The following POU3F3 variants were observed in gnomAD, a reference collection of about 807,000 sequenced individuals.
The protein encoded by POU3F3 is POU class 3 homeobox 3, also known as POU domain, class 3, transcription factor 3.
In POU3F3, 1 loss-of-function variant was observed where a neutral mutation model predicts 8.6. That is an observed-to-expected ratio of 0.12 (90% CI 0.04 to 0.55). The LOEUF (loss-of-function observed/expected upper bound fraction) is 0.55. Among genes scored for constraint, POU3F3 ranks in the 20% least tolerant of loss-of-function variants. The pLI is 0.91. For synonymous variants in POU3F3, 418 were observed against 327.4 expected, an observed-to-expected ratio of 1.28 and a Z score of -2.99; for missense variants, 577 against 690.7, an observed-to-expected ratio of 0.84 and a Z score of 1.84.
At chr2:104,895,062 AGTGT>A in the POU3F3 span, among the ~76,000 whole-genome samples, 19,991 of 149,156 alleles carry the variant, frequency 0.13, 1,747 homozygotes, top group East Asian at 0.42. Context: ...TGCACAGGTG[AGTGT>A]GTGTGTGTGT....
At chr2:104,923,244 A>G in the POU3F3 span, among the ~76,000 whole-genome samples, 2 of 152,222 alleles carry the variant, frequency 1.3e-5, no homozygotes, top group Admixed American at 6.5e-5. Flanking sequence ...GGGAATTTAT[A>G]AAAGCTGGTA....
the POU3F3 span, among the ~76,000 whole-genome samples, chr2:104,880,221 C>T: frequency 6.6e-6 from 1 of 152,174 alleles, no homozygotes; most frequent in Non-Finnish European, 1.5e-5. Flanking sequence ...GATTTGGGAC[C>T]ACCTGTTCAC....
At chr2:104,896,968 A>G in the POU3F3 span, among the ~76,000 whole-genome samples, 1 of 152,146 alleles carries the variant, frequency 6.6e-6, no homozygotes, top group East Asian at 1.9e-4. Flanking sequence ...GCCCTTTTTC[A>G]GGGGCAGTCC....
chr2:104,861,639 T>G (rs1676656770), downstream of POU3F3, among the ~76,000 whole-genome samples: 1 of 152,194 alleles, frequency 6.6e-6, no homozygotes, highest in Non-Finnish European at 1.5e-5. Flanking sequence ...AGATGATCTA[T>G]AAAATGACTG....
chr2:104,917,416 G>T, the POU3F3 span, among the ~76,000 whole-genome samples: 1 of 152,158 alleles, frequency 6.6e-6, no homozygotes, highest in African/African-American at 2.4e-5. Context: ...CCACTATGTT[G>T]ACTTAGAATT....
rs1676616282 is a variant in POU3F3 at position 104,858,418 on chromosome 2, C to A, written c.*1405C>A. ...TTATTTTTCCCCAGATCTTGTATTA[C>A]GTGTTTTTTTCAGACGAGCACAAAT... On this transcript the variant is annotated 3_prime_UTR_variant, in exon 1 of 1. Coordinates refer to ENST00000361360, the MANE Select transcript of POU3F3 (RefSeq NM_006236.3). The A allele has an allele frequency of 6.6e-6, 1 of 151,960 alleles. No individual in the cohort carries two copies. Among genetic ancestry groups the A allele is most frequent in the African/African-American group, 2.4e-5 (1 of 41,330 alleles). The allele number at this position is 151,960 out of a possible 1,614,324, so 9.4% of individuals were successfully genotyped here. A position where few individuals can be genotyped will look rare whatever the true frequency, so the allele number is the denominator to read the frequency against.
At chr2:104,899,156 C>T in the POU3F3 span, among the ~76,000 whole-genome samples, 2 of 152,182 alleles carry the variant, frequency 1.3e-5, no homozygotes, top group Non-Finnish European at 2.9e-5. Context: ...GATGATTCCT[C>T]CCTGACACGG....
At chr2:104,868,205 T>C in the POU3F3 span, 1 of 454,266 alleles carries the variant, frequency 2.2e-6, no homozygotes, top group South Asian at 1.6e-5. Context: ...CGTCTAGGAG[T>C]TGGTGGGAGA....
the POU3F3 span, among the ~76,000 whole-genome samples, chr2:104,884,789 C>T: frequency 1.3e-5 from 2 of 152,218 alleles, no homozygotes; most frequent in East Asian, 1.9e-4. Flanking sequence ...GCAGGTTGGA[C>T]GTCTTAGTGA....
At chr2:104,903,236 A>C in the POU3F3 span, among the ~76,000 whole-genome samples, 1 of 152,220 alleles carries the variant, frequency 6.6e-6, no homozygotes, top group African/African-American at 2.4e-5. Context: ...TTATCCTATA[A>C]GACTTTAGAA....
At chr2:104,881,718 A>C in the POU3F3 span, among the ~76,000 whole-genome samples, 1 of 152,242 alleles carries the variant, frequency 6.6e-6, no homozygotes, top group Non-Finnish European at 1.5e-5. Flanking sequence ...TTAAAGTTTT[A>C]AACAATGGTG....
chr2:104,855,612 TGGCGGCGGCGGC>T lies in POU3F3; in HGVS notation c.111_122del (p.Gly40_Gly43del). 1 of 643,542 alleles carries T rather than the reference TGGCGGCGGCGGC, an allele frequency of 1.6e-6. No individual in the cohort carries two copies. 39.9% of individuals were successfully genotyped at this position (643,542 alleles called of 1,614,324 possible). ...CGGCAGGGGCTGGCGGCGGCGGGGG[TGGCGGCGGCGGC>T]GGCGGCGGGGGCGGCGCAGGGGGCG... On this transcript the variant is annotated inframe_deletion, in exon 1 of 1. Coordinates refer to ENST00000361360, the MANE Select transcript of POU3F3 (RefSeq NM_006236.3).
chr2:104,923,427 T>C, the POU3F3 span, among the ~76,000 whole-genome samples: 203 of 152,304 alleles, frequency 1.3e-3, no homozygotes, highest in African/African-American at 4.7e-3. Flanking sequence ...CAGAGTTGTT[T>C]TTTAATTGAA....
In POU3F3 at chr2:104,857,108, C is replaced by G. The variant is rs1350522074; in HGVS notation, c.*95C>G. The G allele has an allele frequency of 6.7e-5, 65 of 973,960 alleles. No homozygotes were observed. The highest frequency in any genetic ancestry group is 7.7e-5 in the Non-Finnish European group (63 of 821,764). The allele number at this position is 973,960 out of a possible 1,614,324, so 60.3% of individuals were successfully genotyped here. On this transcript the variant is annotated 3_prime_UTR_variant, in exon 1 of 1. Coordinates refer to ENST00000361360, the MANE Select transcript of POU3F3 (RefSeq NM_006236.3). ...CCCCTGCCGCCGCCGCCGCCGCCGC[C>G]GCCGCCGCTGCCGCCGCCGCGCCGA...
chr2:104,856,197 G>C lies in POU3F3; in HGVS notation c.687G>C (p.Thr229=), dbSNP rs761600759. 1.6e-6 allele frequency: 2 copies of C among 1,265,504 alleles called. No individual in the cohort carries two copies. The highest frequency in any genetic ancestry group is 5.8e-5 in the South Asian group (2 of 34,226). The allele number at this position is 1,265,504 out of a possible 1,614,324, so 78.4% of individuals were successfully genotyped here. ...TCTACTCGCAGCCCGGAGGCTTCAC[G>C]GTGAACGGCATGCTGAGCGCGCCAC... ...SLLYSQPGGF[T]VNGMLSAPPG... Residue 229 remains threonine (T), a synonymous_variant, in exon 1 of 1, where the codon ACG becomes ACC. Transcript: ENST00000361360.
rs1676563144 is a variant in POU3F3, at chr2:104,856,168, C to G, written c.658C>G (p.Leu220Val). The G allele has an allele frequency of 6.3e-6, 8 of 1,261,214 alleles. No homozygotes were observed. Among genetic ancestry groups the G allele is most frequent in the Non-Finnish European group, 8.0e-6 (8 of 1,005,474 alleles). The allele number at this position is 1,261,214 out of a possible 1,614,324, so 78.1% of individuals were successfully genotyped here. Residue 220 changes from leucine (L) to valine (V), a missense_variant, in exon 1 of 1, where the codon CTG becomes GTG. Physicochemically the swap from Leu to Val is conservative, Grantham distance 32. Transcript: ENST00000361360. ...GGGCCAGCAGCCGCCGCCGCAGAGTCTGCTCTACTCGCAGCCCGGAGGCTT... is the reference window on the plus strand; with the variant it reads ...GGGCCAGCAGCCGCCGCCGCAGAGTGTGCTCTACTCGCAGCCCGGAGGCTT... ...AGGQQPPPQS[L>V]LYSQPGGFTV...
the POU3F3 span, chr2:104,872,434 C>T: frequency 1.2e-5 from 5 of 429,200 alleles, no homozygotes; most frequent in Non-Finnish European, 2.3e-5. This position sits in a 1 kb window ranked among gnomAD's most constrained non-coding sequence, Gnocchi z 4.6. Flanking sequence ...CTGCTTCCAA[C>T]TGCGATTTCA....
chr2:104,890,503 G>A, the POU3F3 span, among the ~76,000 whole-genome samples: 2 of 152,068 alleles, frequency 1.3e-5, no homozygotes, highest in Non-Finnish European at 2.9e-5. Flanking sequence ...CCCTGTGTGG[G>A]GAGCAGCCTG....
the POU3F3 span, among the ~76,000 whole-genome samples, chr2:104,926,597 A>C: frequency 6.6e-6 from 1 of 151,874 alleles, no homozygotes; most frequent in Admixed American, 6.6e-5. Flanking sequence ...CAGCAATCCC[A>C]TTATACCCAA....
Sources: gnomAD v4.1 joint callset for allele counts (sites outside exome capture counted in the v4.1 genomes callset) on GRCh38, gnomAD v4.1.1 for gene constraint, Gnocchi (gnomAD v3.1) non-coding constraint, MANE v1.5 for transcripts, NCBI Gene and HGNC (gene_info 2026-07-23, HGNC 2026-07-21) for gene names.